The following NR2F1-AS1 variants were observed in gnomAD, a reference collection of about 807,000 sequenced individuals.
NR2F1-AS1 encodes the protein NR2F1 antisense RNA 1.
chr5:93,570,737 A>G (rs1752737990), intron 1 of NR2F1-AS1: 1 of 152,214 alleles, frequency 6.6e-6, no homozygotes, highest in African/African-American at 2.4e-5. Flanking sequence ...CCGACGTCTC[A>G]GTGCGCAGAT....
intron 4 of NR2F1-AS1, among the ~76,000 whole-genome samples, chr5:93,443,468 A>C (rs1309560939): frequency 1.3e-5 from 2 of 152,198 alleles, no homozygotes; most frequent in Admixed American, 1.3e-4. Context: ...GATTAAATGA[A>C]TGAAATGAAG....
intron 4 of NR2F1-AS1, among the ~76,000 whole-genome samples, chr5:93,549,839 T>A (rs569335862): frequency 6.6e-6 from 1 of 152,184 alleles, no homozygotes; most frequent in Admixed American, 6.5e-5. Context: ...CTGGAAACCA[T>A]CATTCTCAGC....
At chr5:93,567,517 G>C (rs745805211) in intron 1 of NR2F1-AS1, among the ~76,000 whole-genome samples, 3 of 152,174 alleles carry the variant, frequency 2.0e-5, no homozygotes, top group Non-Finnish European at 2.9e-5. Context: ...ATTACTTGTA[G>C]AAGTCTTGAG....
At chr5:93,506,008 GCT>G (rs1271118692) in intron 4 of NR2F1-AS1, among the ~76,000 whole-genome samples, 4 of 152,114 alleles carry the variant, frequency 2.6e-5, no homozygotes, top group Admixed American at 6.5e-5. Flanking sequence ...GAACTTTTAT[GCT>G]CTGTTTCCCT....
chr5:93,452,967 A>T (rs1440359973), intron 4 of NR2F1-AS1, among the ~76,000 whole-genome samples: 2 of 152,212 alleles, frequency 1.3e-5, no homozygotes, highest in African/African-American at 4.8e-5. Flanking sequence ...AATATTACCC[A>T]TAATCCAAAG....
intron 4 of NR2F1-AS1, chr5:93,542,183 G>T (rs991965325): frequency 2.0e-5 from 3 of 149,690 alleles, no homozygotes; most frequent in African/African-American, 7.4e-5. Context: ...AACAAAAACT[G>T]GCTTAGAAAA....
chr5:93,488,886 G>C (rs1750780041), intron 4 of NR2F1-AS1, among the ~76,000 whole-genome samples: 1 of 152,086 alleles, frequency 6.6e-6, no homozygotes, highest in South Asian at 2.1e-4. Flanking sequence ...AAGAAAATGT[G>C]GCACATATAC....
In NR2F1-AS1 at chr5:93,579,924, C is replaced by A. The variant is rs909559086; in HGVS notation, n.313+543G>T. ...ACTATCGCCCACATCAGACAGGCAGCCATCGATCGCGTTACATTAGGGGAT... is the reference window on the plus strand; with the variant it reads ...ACTATCGCCCACATCAGACAGGCAGACATCGATCGCGTTACATTAGGGGAT... On this transcript the variant is annotated intron_variant and non_coding_transcript_variant, in intron 1 of 5. Coordinates refer to ENST00000660523, the Ensembl canonical transcript of NR2F1-AS1. The surrounding 1 kb of genome is among the most constrained non-coding windows in gnomAD (Gnocchi z 5.1). Among the ~76,000 whole-genome samples, 1 of 152,224 alleles carries A rather than the reference C, an allele frequency of 6.6e-6. No homozygotes were observed. The highest frequency in any genetic ancestry group is 2.4e-5 in the African/African-American group (1 of 41,454).
intron 4 of NR2F1-AS1, among the ~76,000 whole-genome samples, chr5:93,416,487 G>C (rs986610998): frequency 6.6e-6 from 1 of 152,120 alleles, no homozygotes; most frequent in African/African-American, 2.4e-5. Flanking sequence ...AGACAAGCTT[G>C]AATGAATGAA....
chr5:93,480,945 G>A (rs888796225), intron 4 of NR2F1-AS1, among the ~76,000 whole-genome samples: 1 of 151,842 alleles, frequency 6.6e-6, no homozygotes, highest in Admixed American at 6.6e-5. Flanking sequence ...AGGCAATATT[G>A]GAGAAATTGA....
At chr5:93,548,566 A>G (rs1303293351) in intron 4 of NR2F1-AS1, among the ~76,000 whole-genome samples, 1 of 152,198 alleles carries the variant, frequency 6.6e-6, no homozygotes, top group African/African-American at 2.4e-5. Flanking sequence ...GTTTTTTTCT[A>G]TAATTAATAA....
chr5:93,553,126 CTTTT>C (rs759720424), intron 4 of NR2F1-AS1, among the ~76,000 whole-genome samples: 1 of 133,766 alleles, frequency 7.5e-6, no homozygotes. Context: ...CAGTAATACA[CTTTT>C]TTTTTTTTTT....
intron 4 of NR2F1-AS1, among the ~76,000 whole-genome samples, chr5:93,526,839 A>T (rs748398768): frequency 3.9e-5 from 6 of 152,200 alleles, no homozygotes; most frequent in Non-Finnish European, 7.4e-5. Flanking sequence ...TATTGATGGA[A>T]CGTATCTCAA....
At chr5:93,482,249 C>A (rs998844570) in intron 4 of NR2F1-AS1, among the ~76,000 whole-genome samples, 20 of 152,084 alleles carry the variant, frequency 1.3e-4, no homozygotes, top group African/African-American at 2.4e-4. Flanking sequence ...AACTGAGGTA[C>A]CTGACTCATC....
intron 4 of NR2F1-AS1, among the ~76,000 whole-genome samples, chr5:93,533,676 G>A (rs1354597981): frequency 3.3e-5 from 5 of 152,102 alleles, no homozygotes; most frequent in Non-Finnish European, 7.4e-5. Flanking sequence ...ACATCGATTA[G>A]CTGATTTAAT....
intron 1 of NR2F1-AS1, among the ~76,000 whole-genome samples, chr5:93,564,593 C>T (rs1233985567): frequency 1.3e-5 from 2 of 152,128 alleles, no homozygotes; most frequent in African/African-American, 4.8e-5. Flanking sequence ...GGCATATTGG[C>T]TACTGAATAG....
chr5:93,585,526 C>A, upstream of NR2F1-AS1: 1 of 1,526,632 alleles, frequency 6.6e-7, no homozygotes, highest in Non-Finnish European at 9.0e-7. Context: ...GCGCTTCGCC[C>A]GCCTCCCTGG....
intron 4 of NR2F1-AS1, among the ~76,000 whole-genome samples, chr5:93,503,044 A>G (rs1202911834): frequency 2.0e-5 from 3 of 152,198 alleles, no homozygotes; most frequent in Non-Finnish European, 4.4e-5. Flanking sequence ...AGACTTCACC[A>G]AATTTACCTC....
chr5:93,421,725 C>T (rs1377500434), intron 4 of NR2F1-AS1, among the ~76,000 whole-genome samples: 1 of 152,212 alleles, frequency 6.6e-6, no homozygotes, highest in Non-Finnish European at 1.5e-5. Flanking sequence ...CTCCATTGTC[C>T]CCAGCACAAA....
Sources: gnomAD v4.1 joint callset for allele counts (sites outside exome capture counted in the v4.1 genomes callset) on GRCh38, gnomAD v4.1.1 for gene constraint, Gnocchi (gnomAD v3.1) non-coding constraint, MANE v1.5 for transcripts, NCBI Gene and HGNC (gene_info 2026-07-23, HGNC 2026-07-21) for gene names.